The following HS6ST2 variants were observed in gnomAD, a reference collection of about 807,000 sequenced individuals.
HS6ST2 encodes the protein heparan-sulfate 6-O-sulfotransferase 2.
Under a neutral mutation model 33.0 loss-of-function variants are expected in HS6ST2, and 17 were observed. The observed-to-expected ratio is 0.52, with a 90% CI of 0.35 to 0.77. HS6ST2 has a LOEUF of 0.77. Ranked by LOEUF, HS6ST2 falls within the 30% of genes least tolerant of loss-of-function variation. The pLI is 0.01. For synonymous variants in HS6ST2, 248 were observed against 237.1 expected, an observed-to-expected ratio of 1.05 and a Z score of -0.42; for missense variants, 519 against 551.7, an observed-to-expected ratio of 0.94 and a Z score of 0.59.
chrX:132,693,862 C>T (rs1172934513), intron 3 of HS6ST2, among the ~76,000 whole-genome samples: 1 of 111,692 alleles, frequency 9.0e-6, no homozygotes, highest in Non-Finnish European at 1.9e-5. Context: ...TCCCCCACAA[C>T]CTGTGTGCAC....
intron 3 of HS6ST2, among the ~76,000 whole-genome samples, chrX:132,670,325 T>TG (rs1356555183): frequency 6.3e-5 from 7 of 111,671 alleles, no homozygotes; most frequent in Non-Finnish European, 1.1e-4. Context: ...TGGGGTGGGC[T>TG]GGGGGTCACA....
chrX:132,957,587 C>A (rs1456049210), intron 1 of HS6ST2, among the ~76,000 whole-genome samples: 2 of 110,511 alleles, frequency 1.8e-5, no homozygotes, highest in South Asian at 4.0e-4. Flanking sequence ...GCCCCCTCCC[C>A]CCGCCAGAGC....
chrX:132,896,653 G>A (rs745747878), intron 2 of HS6ST2, among the ~76,000 whole-genome samples: 10 of 111,304 alleles, frequency 9.0e-5, no homozygotes, highest in African/African-American at 2.9e-4. Context: ...TGATTATTAC[G>A]TATTACATGC....
At chrX:132,734,790 T>C (rs2064493154) in intron 2 of HS6ST2, among the ~76,000 whole-genome samples, 1 of 112,881 alleles carries the variant, frequency 8.9e-6, no homozygotes, top group Non-Finnish European at 1.9e-5. Flanking sequence ...GCACCATCTT[T>C]AGGAAAAGAA....
Position 132,956,857 on chromosome X carries a change from C to T in HS6ST2, c.898G>A (p.Val300Met). The change falls in exon 2 of 5, where the codon GTG becomes ATG. Residue 300 changes from valine to methionine, a missense_variant. Physicochemically the swap from Val to Met is conservative, Grantham distance 21 (BLOSUM62 1). Transcript: ENST00000370833. Reference protein sequence around the residue: ...HADWTELTSCVPSVVDGKRDA... With the variant: ...HADWTELTSCMPSVVDGKRDA... The stretch of plus-strand genomic sequence containing the variant: ...CGCTTGCCGTCCACCACGGAGGGCA[C>T]ACAGCTGGTGAGCTCGGTCCAGTCG... The T allele has an allele frequency of 8.4e-7, 1 of 1,185,178 alleles. No homozygotes were observed.
intron 2 of HS6ST2, among the ~76,000 whole-genome samples, chrX:132,805,950 A>G (rs2065278137): frequency 9.1e-6 from 1 of 110,184 alleles, no homozygotes; most frequent in South Asian, 3.8e-4. Flanking sequence ...TAATATCAAT[A>G]TCATTCCCTC....
At chrX:132,796,149 G>A (rs2065176718) in intron 2 of HS6ST2, among the ~76,000 whole-genome samples, 1 of 111,839 alleles carries the variant, frequency 8.9e-6, no homozygotes, top group Non-Finnish European at 1.9e-5. Context: ...TATTGCACAT[G>A]TTCAGGGAAA....
intron 2 of HS6ST2, among the ~76,000 whole-genome samples, chrX:132,956,251 G>A (rs1261964168): frequency 2.7e-5 from 3 of 109,557 alleles, no homozygotes; most frequent in Admixed American, 9.7e-5. Context: ...CGAGAGAGGG[G>A]AATGGAAAGA....
chrX:132,954,188 T>C (rs1406653738), intron 2 of HS6ST2, among the ~76,000 whole-genome samples: 1 of 112,023 alleles, frequency 8.9e-6, no homozygotes, highest in Non-Finnish European at 1.9e-5. Context: ...ACACAGGATC[T>C]GGTCGAGGGT....
At chrX:132,701,270 ACTT>A (rs2064142554) in intron 3 of HS6ST2, among the ~76,000 whole-genome samples, 1 of 111,731 alleles carries the variant, frequency 9.0e-6, no homozygotes, top group Non-Finnish European at 1.9e-5. Flanking sequence ...TGCCTTCCTC[ACTT>A]CTTTCTCTAT....
chrX:132,628,116 T>A lies in HS6ST2; in HGVS notation c.*107A>T. On this transcript the variant is annotated 3_prime_UTR_variant, in exon 5 of 5. Transcript: ENST00000370833. ...CAACATCTAAACTTTTTTTTAAAAC[T>A]TCCCCAATGAAGGAAGCAGGATGTG... 1 of 606,480 alleles carries A rather than the reference T, an allele frequency of 1.6e-6. No homozygotes were observed. Among genetic ancestry groups the A allele is most frequent in the Non-Finnish European group, 2.5e-6 (1 of 396,506 alleles). The allele number at this position is 606,480 out of a possible 1,213,427, so 50.0% of individuals were successfully genotyped here.
Position 132,731,515 on chromosome X carries a change from T to C in HS6ST2, c.948-23021A>G, listed in dbSNP as rs1418201533. The stretch of plus-strand genomic sequence containing the variant: ...ATATATTATCATAGACGGTATTTCA[T>C]TATTATTCCTCCTACCAAGAGGCAA... On this transcript the variant is annotated intron_variant, in intron 2 of 4. Transcript: ENST00000370833. Among the ~76,000 whole-genome samples, 7 of 111,852 alleles carry C rather than the reference T, an allele frequency of 6.3e-5. No individual in the cohort carries two copies. In the East Asian group the frequency reaches 1.4e-3, roughly 22 times the overall value.
intron 2 of HS6ST2, among the ~76,000 whole-genome samples, chrX:132,911,669 C>T (rs915803851): frequency 2.5e-4 from 11 of 44,877 alleles, no homozygotes; most frequent in East Asian, 1.3e-3. Context: ...GACGGAGTCT[C>T]GCTCTGTTGT....
intron 2 of HS6ST2, among the ~76,000 whole-genome samples, chrX:132,945,569 G>A (rs1395916352): frequency 3.6e-5 from 4 of 110,397 alleles, no homozygotes; most frequent in South Asian, 3.9e-4. Context: ...TATTTATTGC[G>A]GCATTAGTCA....
At position 132,824,910 on chromosome X, in the gene HS6ST2, A is replaced by T. The variant is rs149842826; in HGVS notation, c.948-116416T>A. 5.4e-3 allele frequency among the ~76,000 whole-genome samples: 609 copies of T among 112,478 alleles called. 2 individuals are homozygous for T. Among genetic ancestry groups the T allele is most frequent in the East Asian group, 0.027 (95 of 3,559 alleles). On this transcript the variant is annotated intron_variant, in intron 2 of 4. Transcript: ENST00000370833. ...AAAAACTCATTTTATAGCAATCATT[A>T]CTGAAATCCATCTCTTAATTCAGGG...
intron 2 of HS6ST2, among the ~76,000 whole-genome samples, chrX:132,884,342 A>C (rs998592421): frequency 1.3e-4 from 15 of 111,994 alleles, no homozygotes; most frequent in Admixed American, 7.6e-4. Context: ...AGAAATAATA[A>C]ATTTGAAAGT....
intron 2 of HS6ST2, among the ~76,000 whole-genome samples, chrX:132,919,016 T>C (rs1354551917): frequency 1.8e-5 from 2 of 112,229 alleles, no homozygotes; most frequent in East Asian, 2.8e-4. Context: ...TTCCCAATTA[T>C]GTTTTCTTTA....
intron 2 of HS6ST2, among the ~76,000 whole-genome samples, chrX:132,956,356 G>A (rs967309664): frequency 3.7e-5 from 4 of 109,521 alleles, no homozygotes; most frequent in African/African-American, 6.6e-5. Context: ...GGGAAAGCGG[G>A]GGGAGGGAAG....
chrX:132,846,646 G>A (rs2065752878), intron 2 of HS6ST2, among the ~76,000 whole-genome samples: 1 of 111,626 alleles, frequency 9.0e-6, no homozygotes, highest in African/African-American at 3.3e-5. Flanking sequence ...AGGAGTGAAT[G>A]GATTTGCCAA....
Sources: gnomAD v4.1 joint callset for allele counts (sites outside exome capture counted in the v4.1 genomes callset) on GRCh38, gnomAD v4.1.1 for gene constraint, MANE v1.5 for transcripts, NCBI Gene and HGNC (gene_info 2026-07-23, HGNC 2026-07-21) for gene names.